The following DCLK1 variants were observed in gnomAD, a reference collection of about 807,000 sequenced individuals.
The protein encoded by DCLK1 is doublecortin like kinase 1, also known as serine/threonine-protein kinase DCLK1.
A neutral mutation model predicts 86.2 loss-of-function variants in DCLK1; 16 were observed. That is an observed-to-expected ratio of 0.19 (90% confidence interval 0.13 to 0.28). DCLK1 has a LOEUF of 0.28. Ranked by LOEUF, DCLK1 falls within the 10% of genes least tolerant of loss-of-function variation. DCLK1 has a pLI of 1.00. For synonymous variants in DCLK1, 369 were observed against 370.5 expected (o/e 1.00, Z 0.05); for missense variants, 590 against 940.2 (o/e 0.63, Z 4.87).
At chr13:35,860,274 T>C (rs970823736) in intron 5 of DCLK1, among the ~76,000 whole-genome samples, 2 of 151,608 alleles carry the variant, frequency 1.3e-5, no homozygotes, top group Admixed American at 6.6e-5. Context: ...TCAGCTTTTG[T>C]TCCTTGCTTG....
Position 36,094,968 on chromosome 13 carries a change from C to T in DCLK1, c.723+16901G>A, listed in dbSNP as rs80238863. 1.2e-3 allele frequency among the ~76,000 whole-genome samples: 176 copies of T among 152,268 alleles called. 1 individual carries two copies. Among genetic ancestry groups the T allele is most frequent in the Non-Finnish European group, 1.2e-3 (83 of 68,026 alleles). ...GAAGGACCACATGTCTATGTCTTCC[C>T]TTATGCACAAGCACTAGACTTTTTG... On this transcript the variant is annotated intron_variant, in intron 3 of 16. Transcript: ENST00000360631.
intron 4 of DCLK1, among the ~76,000 whole-genome samples, chr13:35,909,279 C>T (rs1451946753): frequency 6.6e-6 from 1 of 152,218 alleles, no homozygotes; most frequent in Non-Finnish European, 1.5e-5. Flanking sequence ...ACAACTTCCT[C>T]CTCTCCACCT....
intron 3 of DCLK1, among the ~76,000 whole-genome samples, chr13:35,959,234 A>G (rs1454911845): frequency 6.6e-6 from 1 of 152,178 alleles, no homozygotes; most frequent in African/African-American, 2.4e-5. Context: ...TCTAGAGTTG[A>G]GTGAGTAACA....
At chr13:35,968,974 T>A (rs889611164) in intron 3 of DCLK1, among the ~76,000 whole-genome samples, 4 of 152,230 alleles carry the variant, frequency 2.6e-5, no homozygotes, top group South Asian at 2.1e-4. Flanking sequence ...CATCTACAGT[T>A]CAAAACGAAG....
chr13:36,029,720 C>T (rs965651707), intron 3 of DCLK1, among the ~76,000 whole-genome samples: 1 of 152,152 alleles, frequency 6.6e-6, no homozygotes, highest in African/African-American at 2.4e-5. Flanking sequence ...TAAAGTTTAT[C>T]TCCATTATGT....
intron 3 of DCLK1, among the ~76,000 whole-genome samples, chr13:36,098,096 T>C (rs749052629): frequency 7.9e-5 from 12 of 152,150 alleles, no homozygotes; most frequent in Admixed American, 2.0e-4. Flanking sequence ...ACGGTAAACA[T>C]TCAAGAAACA....
intron 3 of DCLK1, among the ~76,000 whole-genome samples, chr13:35,951,664 C>T (rs1259694169): frequency 1.3e-5 from 2 of 151,886 alleles, no homozygotes; most frequent in South Asian, 4.2e-4. Context: ...CTCTTCTTTT[C>T]TAGTATATGT....
intron 5 of DCLK1, among the ~76,000 whole-genome samples, chr13:35,855,113 G>C (rs973317477): frequency 6.6e-6 from 1 of 152,166 alleles, no homozygotes; most frequent in South Asian, 2.1e-4. Context: ...GATTGTGATG[G>C]ACCTGCCTTG....
chr13:35,973,141 G>T (rs1404829569), intron 3 of DCLK1, among the ~76,000 whole-genome samples: 2 of 152,174 alleles, frequency 1.3e-5, no homozygotes, highest in Non-Finnish European at 2.9e-5. Context: ...AGAAGGAGGG[G>T]AGGTGGTCCA....
intron 4 of DCLK1, among the ~76,000 whole-genome samples, chr13:35,879,235 G>A (rs1362156632): frequency 5.3e-5 from 8 of 152,204 alleles, no homozygotes; most frequent in Admixed American, 5.2e-4. Flanking sequence ...ATACAGGGAG[G>A]TATGTTTAAA....
intron 3 of DCLK1, among the ~76,000 whole-genome samples, chr13:36,036,911 T>C (rs976241155): frequency 2.6e-5 from 4 of 152,078 alleles, no homozygotes; most frequent in Admixed American, 6.6e-5. Flanking sequence ...AATCAATATA[T>C]TGAAGAAATG....
intron 2 of DCLK1, among the ~76,000 whole-genome samples, chr13:36,117,368 A>G (rs1352745020): frequency 1.3e-5 from 2 of 152,224 alleles, no homozygotes; most frequent in African/African-American, 2.4e-5. Flanking sequence ...TGCAAGTTAA[A>G]GCAGATTTAA....
intron 3 of DCLK1, among the ~76,000 whole-genome samples, chr13:36,073,629 T>A (rs1884059950): frequency 3.3e-5 from 5 of 152,236 alleles, no homozygotes; most frequent in Admixed American, 3.3e-4. Flanking sequence ...TGTTAGGGTT[T>A]AATTCCATCA....
intron 6 of DCLK1, among the ~76,000 whole-genome samples, chr13:35,852,030 G>T (rs988867116): frequency 6.6e-6 from 1 of 150,792 alleles, no homozygotes; most frequent in East Asian, 1.9e-4. Context: ...TGTGTGTTGG[G>T]GTGGGGGCAG....
chr13:35,871,143 A>T, intron 5 of DCLK1, 81 bp downstream of exon 5: 1 of 1,161,536 alleles, frequency 8.6e-7, no homozygotes, highest in Non-Finnish European at 1.3e-6. Context: ...TAAAAACCTC[A>T]CACTCTAGGC....
At chr13:35,824,167 T>C (rs2087465887) in intron 10 of DCLK1, among the ~76,000 whole-genome samples, 1 of 152,136 alleles carries the variant, frequency 6.6e-6, no homozygotes, top group Admixed American at 6.5e-5. Context: ...TCTGGGCTCC[T>C]GGCATCTTGT....
intron 4 of DCLK1, among the ~76,000 whole-genome samples, chr13:35,937,984 C>A (rs543584513): frequency 6.6e-6 from 1 of 151,806 alleles, no homozygotes; most frequent in Non-Finnish European, 1.5e-5. Flanking sequence ...TAGGGTAAAA[C>A]AAAAAATCCA....
At chr13:36,017,491 A>G (rs957696994) in intron 3 of DCLK1, among the ~76,000 whole-genome samples, 5 of 152,204 alleles carry the variant, frequency 3.3e-5, no homozygotes, top group African/African-American at 1.2e-4. Context: ...ACATCTATAA[A>G]AACGTATGAC....
At chr13:36,106,858 A>T (rs1885414349) in intron 3 of DCLK1, among the ~76,000 whole-genome samples, 1 of 152,266 alleles carries the variant, frequency 6.6e-6, no homozygotes, top group East Asian at 1.9e-4. Flanking sequence ...CCACTTTTTT[A>T]ACTTGTAAGA....
Sources: allele counts gnomAD v4.1 joint callset (sites outside exome capture counted in the v4.1 genomes callset), GRCh38; gene constraint gnomAD v4.1.1; transcripts MANE v1.5; gene names NCBI Gene and HGNC (gene_info 2026-07-23, HGNC 2026-07-21).